Variants in GPC5 observed in about 807,000 individuals in gnomAD.
The protein encoded by GPC5 is glypican-5.
A neutral mutation model predicts 53.9 loss-of-function variants in GPC5; 47 were observed. The observed-to-expected ratio is 0.87, with a 90% confidence interval of 0.69 to 1.11. GPC5 has a LOEUF of 1.11. GPC5 is among the 50% of genes most tolerant of loss of function. GPC5 has a pLI of 0.00. For missense variants in GPC5, 748 were observed against 713.1 expected, an observed-to-expected ratio of 1.05 and a Z score of -0.56; for synonymous variants, 286 against 263.3, an observed-to-expected ratio of 1.09 and a Z score of -0.84.
chr13:92,808,803 T>C (rs1420621403), intron 7 of GPC5, among the ~76,000 whole-genome samples: 3 of 152,060 alleles, frequency 2.0e-5, no homozygotes, highest in African/African-American at 7.2e-5. Flanking sequence ...TCCTTTTGGC[T>C]ACTTTTTAGT....
Position 91,496,108 on chromosome 13 carries a change from G to A in GPC5, c.325+47186G>A, listed in dbSNP as rs112659007. Among the ~76,000 whole-genome samples, 1,022 of 151,744 alleles carry A rather than the reference G, an allele frequency of 6.7e-3. 13 individuals carry two copies. Among genetic ancestry groups the A allele is most frequent in the Middle Eastern group, 0.024 (7 of 294 alleles). Reference sequence around the variant, plus strand: ...GCTGACTCTAATATGACTGGGAAGTGCAATATTAGTATTAAGTACGAATTT... The same window carrying A: ...GCTGACTCTAATATGACTGGGAAGTACAATATTAGTATTAAGTACGAATTT... On this transcript the variant is annotated intron_variant, in intron 2 of 7. Coordinates refer to ENST00000377067, the MANE Select transcript of GPC5 (RefSeq NM_004466.6).
intron 7 of GPC5, among the ~76,000 whole-genome samples, chr13:92,794,225 C>T (rs371795627): frequency 2.0e-5 from 3 of 152,078 alleles, no homozygotes; most frequent in Admixed American, 6.6e-5. Context: ...AAGGTTGGTT[C>T]GACATACGTG....
intron 2 of GPC5, among the ~76,000 whole-genome samples, chr13:91,507,303 G>A (rs1884995761): frequency 6.6e-6 from 1 of 152,096 alleles, no homozygotes; most frequent in Non-Finnish European, 1.5e-5. Context: ...CATTCATGAG[G>A]ACCTGTATTA....
At chr13:92,437,295 G>C (rs1159572809) in intron 7 of GPC5, among the ~76,000 whole-genome samples, 1 of 152,076 alleles carries the variant, frequency 6.6e-6, no homozygotes, top group Admixed American at 6.6e-5. Flanking sequence ...TAATACTGCA[G>C]GTATCGGAGT....
intron 6 of GPC5, among the ~76,000 whole-genome samples, chr13:91,932,835 T>C (rs2039834380): frequency 6.6e-6 from 1 of 151,980 alleles, no homozygotes; most frequent in African/African-American, 2.4e-5. Context: ...AAATCAGAGG[T>C]TAGACTGCAT....
Position 91,694,039 on chromosome 13 carries a change from C to T in GPC5, c.1020+158C>T, listed in dbSNP as rs1012734673. Among the ~76,000 whole-genome samples the T allele has an allele frequency of 2.6e-4, 39 of 151,998 alleles. 1 individual carries two copies. The highest frequency in any genetic ancestry group is 8.7e-4 in the African/African-American group (36 of 41,388). ...GATAAAATTTTGATTGGCTGAAATA[C>T]CACATTCTCTCCTAAGTAGAAGTCT... On this transcript the variant is annotated intron_variant, in intron 3 of 7. Transcript: ENST00000377067.
At chr13:91,519,274 C>T (rs373795145) in intron 2 of GPC5, among the ~76,000 whole-genome samples, 123 of 152,194 alleles carry the variant, frequency 8.1e-4, no homozygotes, top group African/African-American at 2.9e-3. Context: ...AATCATGACC[C>T]TTTTCTTTCT....
chr13:92,151,922 T>C (rs1039966135), intron 7 of GPC5, among the ~76,000 whole-genome samples: 1 of 152,148 alleles, frequency 6.6e-6, no homozygotes, highest in Admixed American at 6.5e-5. Flanking sequence ...AAGCAACCAA[T>C]ATTTGCCTGC....
At chr13:91,482,941 C>T (rs7324995) in intron 2 of GPC5, among the ~76,000 whole-genome samples, 37,453 of 151,308 alleles carry the variant, frequency 0.25, 6,274 homozygotes, top group African/African-American at 0.48. Context: ...TTTAGGAGTA[C>T]AGCTGAAATT....
chr13:92,095,398 A>T (rs544653325), intron 6 of GPC5, among the ~76,000 whole-genome samples: 1 of 152,020 alleles, frequency 6.6e-6, no homozygotes, highest in East Asian at 1.9e-4. Flanking sequence ...TCCAGGCTGG[A>T]GTGTAGTGGC....
At chr13:91,612,578 T>A (rs1594330765) in intron 2 of GPC5, among the ~76,000 whole-genome samples, 1 of 152,272 alleles carries the variant, frequency 6.6e-6, no homozygotes, top group Middle Eastern at 3.4e-3. Flanking sequence ...TCTACGATGT[T>A]AGCGAGTGAT....
At chr13:92,410,126 T>G (rs1875978037) in intron 7 of GPC5, among the ~76,000 whole-genome samples, 2 of 152,154 alleles carry the variant, frequency 1.3e-5, no homozygotes, top group Admixed American at 1.3e-4. Flanking sequence ...AACGTTGCAG[T>G]ATAATGCTCA....
intron 2 of GPC5, among the ~76,000 whole-genome samples, chr13:91,528,758 T>C (rs1886201179): frequency 6.6e-6 from 1 of 152,194 alleles, no homozygotes; most frequent in Non-Finnish European, 1.5e-5. Flanking sequence ...CAGTTCCACA[T>C]GGCTTGGGAG....
At chr13:91,881,617 T>C (rs1373557665) in intron 5 of GPC5, among the ~76,000 whole-genome samples, 1 of 152,168 alleles carries the variant, frequency 6.6e-6, no homozygotes, top group East Asian at 1.9e-4. Context: ...TTTATTAAAT[T>C]TTCAGCATTA....
chr13:92,228,453 T>C (rs1233868202), intron 7 of GPC5, among the ~76,000 whole-genome samples: 1 of 152,140 alleles, frequency 6.6e-6, no homozygotes, highest in Non-Finnish European at 1.5e-5. Flanking sequence ...ACACATTTAA[T>C]AGTCTTAAGA....
chr13:92,139,808 G>A (rs1246334018), intron 6 of GPC5, among the ~76,000 whole-genome samples: 1 of 152,000 alleles, frequency 6.6e-6, no homozygotes, highest in Admixed American at 6.6e-5. Context: ...ATGATTTTCA[G>A]AGAAGAGAAA....
At chr13:91,687,109 A>G (rs1169593024) in intron 2 of GPC5, among the ~76,000 whole-genome samples, 1 of 152,006 alleles carries the variant, frequency 6.6e-6, no homozygotes, top group Non-Finnish European at 1.5e-5. Flanking sequence ...AAATATAAGT[A>G]CATGTCATGC....
chr13:91,454,047 T>G (rs1881371044), intron 2 of GPC5, among the ~76,000 whole-genome samples: 1 of 152,140 alleles, frequency 6.6e-6, no homozygotes, highest in African/African-American at 2.4e-5. Flanking sequence ...TTTTCCTTGT[T>G]CAGTTTTAGG....
At chr13:91,776,411 A>G (rs1213591361) in intron 5 of GPC5, among the ~76,000 whole-genome samples, 1 of 152,216 alleles carries the variant, frequency 6.6e-6, no homozygotes, top group African/African-American at 2.4e-5. Context: ...CTATCCATCA[A>G]TATTAGGATT....
Sources: gnomAD v4.1 joint callset for allele counts (sites outside exome capture counted in the v4.1 genomes callset) on GRCh38, gnomAD v4.1.1 for gene constraint, MANE v1.5 for transcripts, NCBI Gene and HGNC (gene_info 2026-07-23, HGNC 2026-07-21) for gene names.